Variants in COL5A3 observed in about 807,000 individuals in gnomAD.
COL5A3 encodes the protein collagen alpha-3(V) chain.
Under a neutral mutation model 250.0 loss-of-function variants are expected in COL5A3, and 172 were observed. The observed-to-expected ratio is 0.69, with a 90% CI of 0.61 to 0.78. COL5A3 has a LOEUF of 0.78. COL5A3 is among the 30% of genes least tolerant of loss of function. The pLI is 0.00. For missense variants in COL5A3, 2,340 were observed against 2,334.4 expected (o/e 1.00, Z -0.05); for synonymous variants, 937 against 900.4 (o/e 1.04, Z -0.73).
chr19:9,996,148 G>C (rs908765645), intron 14 of COL5A3, 29 bp from the exon 15 acceptor site: 2 of 1,555,842 alleles, frequency 1.3e-6, no homozygotes, highest in Admixed American at 2.0e-5. Context: ...GAGGAGTGTG[G>C]GTAGATGATT....
At chr19:9,986,816 A>G in intron 27 of COL5A3, 58 bp from the exon 28 acceptor site, 1 of 1,589,192 alleles carries the variant, frequency 6.3e-7, no homozygotes, top group Non-Finnish European at 8.6e-7. Context: ...AGTGACCCAG[A>G]CTCAGTCCCC....
chr19:9,977,986 T>TATATATATATATATATATA (rs1555736357), intron 41 of COL5A3, among the ~76,000 whole-genome samples: 1 of 89,476 alleles, frequency 1.1e-5, no homozygotes, highest in African/African-American at 3.4e-5. Flanking sequence ...ATATATATAT[T>TATATATATATATATATATA]TGTAGAGACA....
intron 62 of COL5A3, 92 bp downstream of exon 62, chr19:9,967,255 C>G (rs3786698): frequency 0.57 from 516,247 of 911,264 alleles, 150,692 homozygotes; most frequent in African/African-American, 0.91. Context: ...CCCAGTGCTG[C>G]GCACGGAAGG....
chr19:9,989,271 C>T (rs772526783), intron 26 of COL5A3, 51 bp downstream of exon 26: 1 of 1,612,754 alleles, frequency 6.2e-7, no homozygotes, highest in South Asian at 1.1e-5. Context: ...GACTGCAGGC[C>T]CTGCCTCCCG....
At position 9,968,534 on chromosome 19, in the gene COL5A3, G is replaced by A; in HGVS notation, c.4207-42C>T. 2 of 1,574,992 alleles carry A rather than the reference G, an allele frequency of 1.3e-6. No homozygotes were observed. The highest frequency in any genetic ancestry group is 1.7e-6 in the Non-Finnish European group (2 of 1,160,772). ...GCACAGACAGGGGAGGACGTGGGAGGATTCAGGGAGGTTTTTCTCCTAGAG... is the reference window on the plus strand; with the variant it reads ...GCACAGACAGGGGAGGACGTGGGAGAATTCAGGGAGGTTTTTCTCCTAGAG... On this transcript the variant is annotated intron_variant, in intron 58 of 66. Coordinates refer to ENST00000264828, the MANE Select transcript of COL5A3 (RefSeq NM_015719.4). The surrounding 1 kb of genome is among the most constrained non-coding windows in gnomAD (Gnocchi z 4.1).
At chr19:9,976,744 C>T in intron 44 of COL5A3, 133 bp from the exon 45 acceptor site, 2 of 677,144 alleles carry the variant, frequency 3.0e-6, no homozygotes, top group Non-Finnish European at 2.5e-6. Context: ...ACAGCTACAT[C>T]CCCCCAAATC....
rs1242071113 is a variant in COL5A3 at position 9,979,165 on chromosome 19, A to T, written c.2841T>A (p.Gly947=). Residue 947 remains glycine (G), a synonymous_variant, in exon 39 of 67, where the codon GGT becomes GGA. Transcript: ENST00000264828. ...CCTCTCTGCCTTCCAGGCCAGGAAG[A>T]CCTTGTTCACCAGGAGGTCCAGGGG... ...PGPPGPPGEQ[G]LPGLEGREGA... 1.1e-5 allele frequency: 18 copies of T among 1,599,776 alleles called. No individual in the cohort carries two copies. Among genetic ancestry groups the T allele is most frequent in the Non-Finnish European group, 1.4e-5 (17 of 1,176,088 alleles).
In COL5A3 at chr19:10,005,899, C is replaced by A; in HGVS notation, c.334G>T (p.Glu112Ter). The A allele has an allele frequency of 1.2e-6, 2 of 1,614,080 alleles. No individual in the cohort carries two copies. Among genetic ancestry groups the A allele is most frequent in the Non-Finnish European group, 1.7e-6 (2 of 1,180,040 alleles). The change falls in exon 3 of 67, where the codon GAA (glutamate) becomes TAA (stop). Residue 112 changes from glutamate (E) to a stop codon, truncating the protein, a stop_gained. Coordinates refer to ENST00000264828, the MANE Select transcript of COL5A3 (RefSeq NM_015719.4). LOFTEE classifies it high-confidence loss of function. ...NQSVLLSIYD[E>*]RGARQLGLAL... ...AGGCCCAACTGCCGGGCACCCCTTT[C>A]ATCATAAATGGACAGCAGGACAGAC...
At position 10,004,032 on chromosome 19, in the gene COL5A3, C is replaced by T; in HGVS notation, c.699+9G>A. ...CCTGAGATTAGGAGTCATGGAGTCC[C>T]TCACTCACCACTGTGGCTGCCGGTG... On this transcript the variant is annotated intron_variant, in intron 5 of 66. Transcript: ENST00000264828. 3 of 1,603,606 alleles carry T rather than the reference C, an allele frequency of 1.9e-6. No homozygotes were observed. The highest frequency in any genetic ancestry group is 2.6e-6 in the Non-Finnish European group (3 of 1,170,402).
rs763099096 is a variant in COL5A3 at position 9,968,080 on chromosome 19, C to G, written c.4315-1G>C. 2 of 1,587,212 alleles carry G rather than the reference C, an allele frequency of 1.3e-6. No individual in the cohort carries two copies. The highest frequency in any genetic ancestry group is 2.2e-5 in the East Asian group (1 of 44,560). On this transcript the variant is annotated splice_acceptor_variant, in intron 59 of 66. Coordinates refer to ENST00000264828, the MANE Select transcript of COL5A3 (RefSeq NM_015719.4). LOFTEE classifies it high-confidence loss of function. This position sits in a 1 kb window ranked among gnomAD's most constrained non-coding sequence, Gnocchi z 4.1. The stretch of plus-strand genomic sequence containing the variant: ...GAGAGCCAATGGGACCAGGGGGACC[C>G]TAGGAAAAGGACATCGGGTCAGTAT...
At chr19:9,995,914 G>T in intron 15 of COL5A3, 152 bp downstream of exon 15, 1 of 833,112 alleles carries the variant, frequency 1.2e-6, no homozygotes, top group Non-Finnish European at 1.8e-6. Flanking sequence ...AAAGTTCTGG[G>T]ATTCCAGATG....
intron 18 of COL5A3, 38 bp from the exon 19 acceptor site, chr19:9,993,471 T>G (rs776757220): frequency 2.5e-6 from 4 of 1,609,948 alleles, no homozygotes; most frequent in Non-Finnish European, 3.4e-6. Flanking sequence ...AGTGGAAGGG[T>G]GTGGGCGGAG....
At chr19:9,975,063 T>G (rs2086900894) in intron 45 of COL5A3, among the ~76,000 whole-genome samples, 1 of 76,102 alleles carries the variant, frequency 1.3e-5, no homozygotes, top group Admixed American at 1.1e-4. Flanking sequence ...GTGCCTGGCT[T>G]TTTTTTTTTT....
intron 16 of COL5A3, among the ~76,000 whole-genome samples, chr19:9,994,791 C>T (rs1220072075): frequency 1.3e-5 from 2 of 151,408 alleles, no homozygotes; most frequent in Admixed American, 6.6e-5. Context: ...TGCGACTGTA[C>T]TGAATATCAC....
rs769893805 is a variant in COL5A3 at position 9,966,753 on chromosome 19, G to A, written c.4459-7C>T. On this transcript the variant is annotated splice_region_variant and splice_polypyrimidine_tract_variant and intron_variant, in intron 62 of 66. Coordinates refer to ENST00000264828, the MANE Select transcript of COL5A3 (RefSeq NM_015719.4). The stretch of plus-strand genomic sequence containing the variant: ...GCAGCTCGGCAGGGGCACCCTGGGC[G>A]TAGGGGATGGGGACGGAGAAGAGAG... The A allele has an allele frequency of 2.0e-6, 3 of 1,531,182 alleles. No individual in the cohort carries two copies. The highest frequency in any genetic ancestry group is 2.6e-6 in the Non-Finnish European group (3 of 1,143,622). 94.8% of individuals were successfully genotyped at this position (1,531,182 alleles called of 1,614,324 possible).
intron 65 of COL5A3, among the ~76,000 whole-genome samples, chr19:9,962,601 C>T (rs746435785): frequency 6.6e-6 from 1 of 152,104 alleles, no homozygotes; most frequent in Non-Finnish European, 1.5e-5. Context: ...TCCACCATGC[C>T]CTGTGCTTCC....
At chr19:9,970,347 T>G (rs1407104360) in intron 54 of COL5A3, among the ~76,000 whole-genome samples, 96 of 33,460 alleles carry the variant, frequency 2.9e-3, no homozygotes, top group African/African-American at 3.7e-3. Context: ...GGTGAGTGTG[T>G]TCTGTGGCTG....
At position 9,989,493 on chromosome 19, in the gene COL5A3, G is replaced by T; in HGVS notation, c.2022C>A (p.Gly674=). 2 of 1,613,204 alleles carry T rather than the reference G, an allele frequency of 1.2e-6. No individual in the cohort carries two copies. Among genetic ancestry groups the T allele is most frequent in the Non-Finnish European group, 1.7e-6 (2 of 1,179,516 alleles). The change falls in exon 25 of 67, where the codon GGC becomes GGA. Residue 674 remains glycine, a synonymous_variant. Coordinates refer to ENST00000264828, the MANE Select transcript of COL5A3 (RefSeq NM_015719.4). ...CCAGAGGGCCATCGGATCCTGGGAG[G>T]CCTGGAATTCCTGGGTTTCCAGGGG... is the stretch of plus-strand genomic sequence containing the variant. ...KGPPGNPGIP[G]LPGSDGPLGH...
Position 9,959,824 on chromosome 19 carries a change from G to A in COL5A3, c.*587C>T, listed in dbSNP as rs13822. The stretch of plus-strand genomic sequence containing the variant: ...ATGGCAAGGTGAGCCTGGGGAGGTG[G>A]GGGGCAGGGGGAGGGGATTTGCAGA... On this transcript the variant is annotated 3_prime_UTR_variant, in exon 67 of 67. Transcript: ENST00000264828. 0.31 allele frequency: 47,304 copies of A among 153,454 alleles called. 7,557 individuals are homozygous for A. Among genetic ancestry groups the A allele is most frequent in the Non-Finnish European group, 0.35 (24,055 of 68,774 alleles). The allele number at this position is 153,454 out of a possible 1,614,324, so 9.5% of individuals were successfully genotyped here.
Sources: gnomAD v4.1 joint callset for allele counts (sites outside exome capture counted in the v4.1 genomes callset) on GRCh38, gnomAD v4.1.1 for gene constraint, Gnocchi (gnomAD v3.1) non-coding constraint, MANE v1.5 for transcripts, NCBI Gene and HGNC (gene_info 2026-07-23, HGNC 2026-07-21) for gene names.